OXR1: variants seen among roughly 807,000 people sequenced by gnomAD.
The protein encoded by OXR1 is oxidation resistance 1.
In OXR1, 41 loss-of-function variants were observed where a neutral mutation model predicts 104.6. The observed-to-expected ratio is 0.39, with a 90% CI of 0.31 to 0.51. OXR1 has a LOEUF of 0.51. Among genes scored for constraint, OXR1 ranks in the 20% least tolerant of loss-of-function variants. The pLI, the probability that OXR1 is intolerant of heterozygous loss-of-function variation, is 0.77. For missense variants in OXR1, 955 were observed against 1,031.9 expected (o/e 0.93, Z 1.02); for synonymous variants, 348 against 348.4 (o/e 1.00, Z 0.01).
chr8:106,549,725 A>G (rs1351191892), intron 3 of OXR1, among the ~76,000 whole-genome samples: 1 of 152,186 alleles, frequency 6.6e-6, no homozygotes, highest in African/African-American at 2.4e-5. Flanking sequence ...ATGTATTCAC[A>G]TATGCAAGGG....
chr8:106,588,113 G>A (rs565237083), intron 3 of OXR1, among the ~76,000 whole-genome samples: 120 of 151,890 alleles, frequency 7.9e-4, no homozygotes, highest in African/African-American at 2.7e-3. Flanking sequence ...CACCACGCCC[G>A]GCTAATTATT....
chr8:106,488,868 G>T (rs945466756), intron 2 of OXR1, among the ~76,000 whole-genome samples: 10 of 151,580 alleles, frequency 6.6e-5, no homozygotes, highest in Non-Finnish European at 7.4e-5. Flanking sequence ...GATACCTCCA[G>T]CTTTGTTCTT....
chr8:106,288,915 A>G (rs1178379977), intron 1 of OXR1, among the ~76,000 whole-genome samples: 1 of 151,968 alleles, frequency 6.6e-6, no homozygotes, highest in African/African-American at 2.4e-5. Context: ...TCGATTGTGC[A>G]CTCTTTGCCA....
intron 4 of OXR1, 98 bp from the exon 5 acceptor site, chr8:106,683,101 A>G (rs910311314): frequency 1.7e-6 from 1 of 582,968 alleles, no homozygotes; most frequent in Non-Finnish European, 3.0e-6. Flanking sequence ...TGTTAATCAA[A>G]TGTAAGCTGG....
intron 2 of OXR1, among the ~76,000 whole-genome samples, chr8:106,368,463 GCA>G (rs1426801297): frequency 2.6e-5 from 4 of 151,078 alleles, no homozygotes; most frequent in African/African-American, 9.7e-5. Context: ...GGATATATGT[GCA>G]CAGTTTTCAG....
At chr8:106,530,622 G>A (rs1014114533) in intron 3 of OXR1, among the ~76,000 whole-genome samples, 9 of 152,148 alleles carry the variant, frequency 5.9e-5, no homozygotes, top group African/African-American at 1.9e-4. Context: ...TTCTACCAAA[G>A]TTTTGAAACT....
chr8:106,554,076 G>A (rs545023849), intron 3 of OXR1, among the ~76,000 whole-genome samples: 1 of 152,132 alleles, frequency 6.6e-6, no homozygotes, highest in East Asian at 1.9e-4. Context: ...TGGGTTGCTG[G>A]AGACCCTCAC....
intron 2 of OXR1, among the ~76,000 whole-genome samples, chr8:106,454,944 C>T (rs1820522859): frequency 6.6e-6 from 1 of 152,186 alleles, no homozygotes; most frequent in Non-Finnish European, 1.5e-5. Context: ...TATTTGAATA[C>T]TTCTGACAAT....
At chr8:106,405,240 T>TGTATAG (rs1818189862) in intron 2 of OXR1, among the ~76,000 whole-genome samples, 1 of 110,186 alleles carries the variant, frequency 9.1e-6, no homozygotes, top group African/African-American at 6.3e-5. Context: ...TGTGTGTGTG[T>TGTATAG]ATAGGCTCAT....
At chr8:106,706,289 C>A in intron 8 of OXR1, 93 bp from the exon 9 acceptor site, 1 of 816,286 alleles carries the variant, frequency 1.2e-6, no homozygotes, top group Admixed American at 3.2e-5. Context: ...GTTAAAAAGT[C>A]TTTTTAGTGA....
At chr8:106,562,717 A>G (rs1295137558) in intron 3 of OXR1, among the ~76,000 whole-genome samples, 3 of 152,200 alleles carry the variant, frequency 2.0e-5, no homozygotes, top group Non-Finnish European at 4.4e-5. Flanking sequence ...GGGCAGCCAG[A>G]GAGAAAGGTC....
chr8:106,655,566 G>C (rs1267153513), intron 3 of OXR1, among the ~76,000 whole-genome samples: 1 of 152,096 alleles, frequency 6.6e-6, no homozygotes, highest in African/African-American at 2.4e-5. Flanking sequence ...AGAGCAACTT[G>C]ATGTAGATTG....
chr8:106,387,966 T>C (rs1817445201), intron 2 of OXR1, among the ~76,000 whole-genome samples: 1 of 152,222 alleles, frequency 6.6e-6, no homozygotes, highest in South Asian at 2.1e-4. Flanking sequence ...AAAATTCTCT[T>C]ACAGCCTAAA....
chr8:106,358,832 C>A (rs923546114), intron 1 of OXR1, among the ~76,000 whole-genome samples: 1 of 151,082 alleles, frequency 6.6e-6, no homozygotes, highest in Non-Finnish European at 1.5e-5. Context: ...TAATTTAATT[C>A]ACTAAATAAT....
intron 2 of OXR1, among the ~76,000 whole-genome samples, chr8:106,468,453 A>G (rs141110785): frequency 2.6e-5 from 4 of 152,034 alleles, no homozygotes; most frequent in Non-Finnish European, 4.4e-5. Context: ...ATGAGTAAGT[A>G]TTCTGGGCCA....
At chr8:106,341,712 T>C (rs972446016) in intron 1 of OXR1, among the ~76,000 whole-genome samples, 4 of 152,150 alleles carry the variant, frequency 2.6e-5, no homozygotes, top group African/African-American at 9.7e-5. Context: ...GCCATACATT[T>C]GCTTAGTCAT....
chr8:106,343,312 AT>A (rs1161107092), intron 1 of OXR1, among the ~76,000 whole-genome samples: 8 of 152,214 alleles, frequency 5.3e-5, no homozygotes, highest in Non-Finnish European at 1.0e-4. Context: ...ATACTTTGTC[AT>A]TTCCAAATAG....
chr8:106,720,456 A>G (rs1832732012), intron 11 of OXR1, among the ~76,000 whole-genome samples: 1 of 152,238 alleles, frequency 6.6e-6, no homozygotes, highest in South Asian at 2.1e-4. Context: ...TATATTGATT[A>G]TAATATAGAT....
chr8:106,379,990 A>G (rs920383874), intron 2 of OXR1, among the ~76,000 whole-genome samples: 9 of 152,162 alleles, frequency 5.9e-5, no homozygotes, highest in African/African-American at 1.7e-4. Context: ...TAAGCAATTT[A>G]ATATCTTTTG....
Sources: allele counts gnomAD v4.1 joint callset (sites outside exome capture counted in the v4.1 genomes callset), GRCh38; gene constraint gnomAD v4.1.1; transcripts MANE v1.5; gene names NCBI Gene and HGNC (gene_info 2026-07-23, HGNC 2026-07-21).